The following CIT variants were observed in gnomAD, a reference collection of about 807,000 sequenced individuals.
CIT encodes citron Rho-interacting kinase.
A neutral mutation model predicts 272.7 loss-of-function variants in CIT; 79 were observed. That is an observed-to-expected ratio of 0.29 (90% confidence interval 0.24 to 0.35). CIT has a LOEUF of 0.35. CIT is among the 10% of genes least tolerant of loss of function. The probability of loss-of-function intolerance (pLI) is 1.00; values close to 1 mark genes in which losing one functional copy is unlikely to be tolerated. For missense variants in CIT, 1,909 were observed against 2,618.3 expected (o/e 0.73, Z 5.91); for synonymous variants, 948 against 995.6 (o/e 0.95, Z 0.90).
rs1338044355 is a variant in CIT, at chr12:119,708,246, G to A, written c.5144C>T (p.Ala1715Val). Reference protein sequence around the residue: ...KQSLAQSHLPAQPDISPNIFE... With the variant: ...KQSLAQSHLPVQPDISPNIFE... The stretch of plus-strand genomic sequence containing the variant: ...AATGTTGGGTGAGATGTCGGGCTGG[G>A]CAGGCAGGTGGGACTGGGCCAGGGA... Residue 1715 changes from alanine to valine, a missense_variant, in exon 40 of 48, where the codon GCC becomes GTC. Coordinates refer to ENST00000392521, the MANE Select transcript of CIT (RefSeq NM_001206999.2). The A allele has an allele frequency of 6.2e-7, 1 of 1,608,044 alleles. No homozygotes were observed. The highest frequency in any genetic ancestry group is 8.5e-7 in the Non-Finnish European group (1 of 1,177,552).
chr12:119,737,757 C>G (rs960645354), intron 24 of CIT, among the ~76,000 whole-genome samples: 1 of 152,114 alleles, frequency 6.6e-6, no homozygotes, highest in African/African-American at 2.4e-5. Flanking sequence ...AGAAGTGTTA[C>G]ATGTTTTTGT....
At chr12:119,840,061 A>G (rs900886216) in intron 5 of CIT, among the ~76,000 whole-genome samples, 2 of 152,214 alleles carry the variant, frequency 1.3e-5, no homozygotes, top group Non-Finnish European at 2.9e-5. Flanking sequence ...TCATGCCAGG[A>G]ATGCCGGCAT....
intron 19 of CIT, among the ~76,000 whole-genome samples, chr12:119,765,264 A>G (rs1962284421): frequency 6.6e-6 from 1 of 150,730 alleles, no homozygotes; most frequent in South Asian, 2.1e-4. Context: ...ATAGCCAGGT[A>G]TGGTGTCATG....
chr12:119,840,655 G>A (rs1969348839), intron 5 of CIT, among the ~76,000 whole-genome samples: 1 of 152,188 alleles, frequency 6.6e-6, no homozygotes, highest in African/African-American at 2.4e-5. Flanking sequence ...ACAAGGAATG[G>A]TAATAAAACA....
intron 10 of CIT, among the ~76,000 whole-genome samples, chr12:119,785,287 A>C (rs1360509123): frequency 6.6e-6 from 1 of 152,164 alleles, no homozygotes; most frequent in Non-Finnish European, 1.5e-5. Context: ...GATGGGATTT[A>C]AGTTATGGAT....
intron 7 of CIT, among the ~76,000 whole-genome samples, chr12:119,826,689 A>G (rs149931407): frequency 1.2e-3 from 177 of 152,308 alleles, no homozygotes; most frequent in African/African-American, 4.1e-3. Context: ...CTATAACTCT[A>G]TATCATAATG....
intron 32 of CIT, among the ~76,000 whole-genome samples, chr12:119,717,999 C>A (rs1191714447): frequency 6.6e-6 from 1 of 151,530 alleles, no homozygotes; most frequent in Non-Finnish European, 1.5e-5. Context: ...CACTACCATG[C>A]CCAGCTAATT....
chr12:119,822,519 T>C (rs1967809265), intron 9 of CIT, among the ~76,000 whole-genome samples: 1 of 152,226 alleles, frequency 6.6e-6, no homozygotes, highest in Non-Finnish European at 1.5e-5. Flanking sequence ...GAAGAAACTG[T>C]GTCAAACCAA....
chr12:119,717,838 C>CTTTTTTTTTTTTTTTTTTTTGTTTT lies in CIT; in HGVS notation c.4168+406_4168+407insAAAACAAAAAAAAAAAAAAAAAAAA, dbSNP rs1957605426. ...GGGGAGCCAGGAGACTGACTTCTTT[C>CTTTTTTTTTTTTTTTTTTTTGTTTT]TTTTTTTTTTTTTTTTTTTTGAGAT... On this transcript the variant is annotated intron_variant, in intron 32 of 47. Transcript: ENST00000392521. Among the ~76,000 whole-genome samples the CTTTTTTTTTTTTTTTTTTTTGTTTT allele has an allele frequency of 2.5e-5, 2 of 81,330 alleles. 1 individual carries two copies. Among genetic ancestry groups the CTTTTTTTTTTTTTTTTTTTTGTTTT allele is most frequent in the Non-Finnish European group, 4.5e-5 (2 of 44,328 alleles). The allele number at this position is 81,330 out of a possible 152,430, so 53.4% of individuals were successfully genotyped here.
chr12:119,809,885 A>C (rs997974792), intron 9 of CIT, among the ~76,000 whole-genome samples: 1 of 152,208 alleles, frequency 6.6e-6, no homozygotes, highest in African/African-American at 2.4e-5. Context: ...AAAGGTCCCA[A>C]GAGGACAGAG....
At chr12:119,755,252 GAA>G (rs1172925135) in intron 22 of CIT, among the ~76,000 whole-genome samples, 1 of 152,068 alleles carries the variant, frequency 6.6e-6, no homozygotes, top group South Asian at 2.1e-4. Context: ...CCCATTGCTA[GAA>G]AAAATGAAAA....
rs188990600 is a variant in CIT at position 119,832,943 on chromosome 12, C to A, written c.660-79G>T. 7.0e-5 allele frequency: 72 copies of A among 1,027,320 alleles called. No individual in the cohort carries two copies. The East Asian group carries it at 1.5e-3, about 21-fold the overall frequency. The allele number at this position is 1,027,320 out of a possible 1,614,324, so 63.6% of individuals were successfully genotyped here. ...GTGCTAACCTAGAATCTCAATTGAG[C>A]CAAAAATCTTTGTTTATGTATTCTG... On this transcript the variant is annotated intron_variant, in intron 6 of 47. Coordinates refer to ENST00000392521, the MANE Select transcript of CIT (RefSeq NM_001206999.2).
chr12:119,836,613 T>C (rs7309620), intron 5 of CIT, among the ~76,000 whole-genome samples: 3 of 152,190 alleles, frequency 2.0e-5, no homozygotes, highest in African/African-American at 7.2e-5. Context: ...CTTATACTTT[T>C]AGTACTGAAA....
At chr12:119,845,299 G>A (rs1313325546) in intron 5 of CIT, among the ~76,000 whole-genome samples, 2 of 152,040 alleles carry the variant, frequency 1.3e-5, no homozygotes, top group African/African-American at 2.4e-5. Flanking sequence ...CCCAATCCAA[G>A]AGGTACTCCG....
chr12:119,827,786 T>C (rs1393957443), intron 7 of CIT, among the ~76,000 whole-genome samples: 1 of 152,170 alleles, frequency 6.6e-6, no homozygotes, highest in Non-Finnish European at 1.5e-5. Flanking sequence ...AACTGTAACA[T>C]CTTGATTTGA....
chr12:119,817,936 T>G (rs1445340890), intron 9 of CIT, among the ~76,000 whole-genome samples: 1 of 151,956 alleles, frequency 6.6e-6, no homozygotes, highest in East Asian at 1.9e-4. Flanking sequence ...ATCCAATTCC[T>G]GCAATTCCAA....
chr12:119,754,447 G>A (rs931845159), intron 22 of CIT, among the ~76,000 whole-genome samples: 1 of 152,210 alleles, frequency 6.6e-6, no homozygotes, highest in African/African-American at 2.4e-5. Flanking sequence ...GCCTGAAAAT[G>A]CTTCCGATGC....
At chr12:119,762,987 A>G (rs773464297) in intron 19 of CIT, among the ~76,000 whole-genome samples, 9 of 152,192 alleles carry the variant, frequency 5.9e-5, no homozygotes, top group Non-Finnish European at 7.4e-5. Flanking sequence ...TCGAAGCCTC[A>G]TTGAGCTATG....
intron 3 of CIT, among the ~76,000 whole-genome samples, chr12:119,858,243 A>G (rs1179398448): frequency 6.6e-6 from 1 of 152,182 alleles, no homozygotes; most frequent in East Asian, 1.9e-4. Flanking sequence ...GGGTCCAGGC[A>G]TGGTGGCTGA....
Sources: allele counts gnomAD v4.1 joint callset (sites outside exome capture counted in the v4.1 genomes callset), GRCh38; gene constraint gnomAD v4.1.1; transcripts MANE v1.5; gene names NCBI Gene and HGNC (gene_info 2026-07-23, HGNC 2026-07-21).